ETV3L: variants seen among roughly 807,000 people sequenced by gnomAD.
The protein encoded by ETV3L is ETS translocation variant 3-like protein.
Under a neutral mutation model 27.6 loss-of-function variants are expected in ETV3L, and 30 were observed. That is an observed-to-expected ratio of 1.09 (90% CI 0.81 to 1.48). ETV3L has a LOEUF of 1.48. ETV3L is among the 40% of genes most tolerant of loss of function. The pLI is 0.00. For missense variants in ETV3L, 443 were observed against 455.6 expected (o/e 0.97, Z 0.25); for synonymous variants, 186 against 188.9 (o/e 0.98, Z 0.12).
At chr1:157,096,696 G>A (rs1272143071) in intron 4 of ETV3L, among the ~76,000 whole-genome samples, 2 of 152,198 alleles carry the variant, frequency 1.3e-5, no homozygotes, top group African/African-American at 2.4e-5. Flanking sequence ...CGAGGCAGGC[G>A]GATCACCTGA....
intron 4 of ETV3L, among the ~76,000 whole-genome samples, chr1:157,096,230 C>T (rs1207975407): frequency 6.6e-6 from 1 of 152,190 alleles, no homozygotes; most frequent in Admixed American, 6.5e-5. Flanking sequence ...AGGAAGTCTT[C>T]CCTGATGCCC....
intron 4 of ETV3L, among the ~76,000 whole-genome samples, chr1:157,093,858 T>C (rs1674170100): frequency 6.6e-6 from 1 of 152,178 alleles, no homozygotes. Flanking sequence ...CTGAGACTCC[T>C]AGCCTAGGCG....
At chr1:157,099,423 G>T (rs80223807) in intron 1 of ETV3L, 43 bp downstream of exon 1, 4 of 1,613,962 alleles carry the variant, frequency 2.5e-6, no homozygotes, top group Non-Finnish European at 3.4e-6. Flanking sequence ...CCCTGCCCTA[G>T]GCCACCGTTG....
rs527702797 is a variant in ETV3L, at chr1:157,097,820, C to T, written c.607+48G>A. 28 of 1,608,914 alleles carry T rather than the reference C, an allele frequency of 1.7e-5. No individual in the cohort carries two copies. In the African/African-American group the frequency reaches 2.4e-4, roughly 14 times the overall value. On this transcript the variant is annotated intron_variant, in intron 4 of 4. Coordinates refer to ENST00000454449, the MANE Select transcript of ETV3L (RefSeq NM_001004341.2). ...ATGTACTCAGCCAGGAGGGCCCTCC[C>T]TCCTCTGGCTAAGATCCCCCTGGGC... is the stretch of plus-strand genomic sequence containing the variant.
chr1:157,092,483 C>G lies in ETV3L; in HGVS notation c.*166G>C. The stretch of plus-strand genomic sequence containing the variant: ...TCTTGGTTTTTCCCATTTCCACATT[C>G]ACACCTTCCCTGCAATGCTCCCCAC... On this transcript the variant is annotated 3_prime_UTR_variant, in exon 5 of 5. Transcript: ENST00000454449. 1.6e-6 allele frequency: 1 copy of G among 616,148 alleles called. No individual in the cohort carries two copies. The highest frequency in any genetic ancestry group is 2.2e-5 in the South Asian group (1 of 44,814). The allele number at this position is 616,148 out of a possible 1,614,324, so 38.2% of individuals were successfully genotyped here.
rs768733480 is a variant in ETV3L, at chr1:157,092,822, G to A, written c.913C>T (p.Leu305Phe). Residue 305 changes from leucine (L) to phenylalanine (F), a missense_variant, in exon 5 of 5, where the codon CTC becomes TTC. Coordinates refer to ENST00000454449, the MANE Select transcript of ETV3L (RefSeq NM_001004341.2). ...TTTACTTCCAGCCCCTCGGGCCTGA[G>A]GGACAAGAGCCAAAGCCTCTCACCC... Reference protein sequence around the residue: ...GAGERLWLLSLRPEGLEVKPA... With the variant: ...GAGERLWLLSFRPEGLEVKPA... 1 of 1,614,154 alleles carries A rather than the reference G, an allele frequency of 6.2e-7. No individual in the cohort carries two copies. Among genetic ancestry groups the A allele is most frequent in the East Asian group, 2.2e-5 (1 of 44,868 alleles).
At chr1:157,095,844 CCTT>C (rs1674209171) in intron 4 of ETV3L, among the ~76,000 whole-genome samples, 1 of 152,178 alleles carries the variant, frequency 6.6e-6, no homozygotes, top group African/African-American at 2.4e-5. Context: ...GGCCATGGAT[CCTT>C]CTTCCATGAA....
At chr1:157,098,555 C>T (rs1390041837) in intron 3 of ETV3L, 151 bp downstream of exon 3, 1 of 721,632 alleles carries the variant, frequency 1.4e-6, no homozygotes, top group Non-Finnish European at 2.2e-6. Context: ...GTTAATACCC[C>T]TGCCTCTGGG....
At chr1:157,095,547 C>CTT (rs111798352) in intron 4 of ETV3L, among the ~76,000 whole-genome samples, 5,965 of 143,362 alleles carry the variant, frequency 0.042, 190 homozygotes, top group Middle Eastern at 0.063. Flanking sequence ...TTCTTTCTTT[C>CTT]TTTCTTTTTT....
intron 4 of ETV3L, among the ~76,000 whole-genome samples, 182 bp downstream of exon 4, chr1:157,097,686 G>A (rs1000108424): frequency 3.9e-5 from 6 of 152,242 alleles, no homozygotes; most frequent in Non-Finnish European, 8.8e-5. Context: ...AGCCTCTTGA[G>A]CCTTTCATCT....
In ETV3L at chr1:157,098,895, T is replaced by C. The variant is rs1674284867; in HGVS notation, c.297A>G (p.Arg99=). The change falls in exon 3 of 5, where the codon AGA becomes AGG. Residue 99 remains arginine (R), a splice_region_variant and synonymous_variant. Transcript: ENST00000454449. ...MNYDKLSRAL[R]YYYNKRILHK... The stretch of plus-strand genomic sequence containing the variant: ...GCAGGATCCTCTTATTGTAGTAATA[T>C]CTGGAGAATTCGAAGTTGAGAATAG... 6.2e-7 allele frequency: 1 copy of C among 1,607,694 alleles called. No homozygotes were observed.
In ETV3L at chr1:157,099,556, C is replaced by A. The variant is rs1239266445; in HGVS notation, c.-33G>T. The A allele has an allele frequency of 6.3e-7, 1 of 1,585,136 alleles. No homozygotes were observed. Among genetic ancestry groups the A allele is most frequent in the South Asian group, 1.1e-5 (1 of 87,354 alleles). Reference sequence around the variant, plus strand: ...TCCGGCGAGATGGGCTGTGTCTGGGCCTTGGGGAAATGGTCACCACTTAAG... The same window carrying A: ...TCCGGCGAGATGGGCTGTGTCTGGGACTTGGGGAAATGGTCACCACTTAAG... On this transcript the variant is annotated 5_prime_UTR_variant, in exon 1 of 5. Transcript: ENST00000454449.
chr1:157,094,688 G>A (rs760203155), intron 4 of ETV3L, among the ~76,000 whole-genome samples: 6 of 152,208 alleles, frequency 3.9e-5, no homozygotes, highest in South Asian at 2.1e-4. Context: ...CGAGGCGAGC[G>A]GATCACCTAA....
chr1:157,094,164 A>G (rs1674176401), intron 4 of ETV3L, among the ~76,000 whole-genome samples: 1 of 152,198 alleles, frequency 6.6e-6, no homozygotes, highest in Admixed American at 6.5e-5. Flanking sequence ...AGCCGGGCAA[A>G]GAACTGGTTG....
rs1322721055 is a variant in ETV3L, at chr1:157,099,397, G to T, written c.59-19C>A. The T allele has an allele frequency of 6.2e-7, 1 of 1,614,096 alleles. No homozygotes were observed. Among genetic ancestry groups the T allele is most frequent in the Admixed American group, 1.7e-5 (1 of 60,026 alleles). ...GCCAACCCTGGGTGGAGAGGGGAGA[G>T]TGAGGGCTCTGGAGGCCCTGCCCTA... On this transcript the variant is annotated intron_variant, in intron 1 of 4. Transcript: ENST00000454449.
chr1:157,097,100 C>T (rs759104635), intron 4 of ETV3L, among the ~76,000 whole-genome samples: 1 of 151,924 alleles, frequency 6.6e-6, no homozygotes, highest in Non-Finnish European at 1.5e-5. Context: ...CCCACCGCAT[C>T]GCAAGACTTG....
rs145414360 is a variant in ETV3L, at chr1:157,099,270, T to A, written c.167A>T (p.His56Leu). ...CTCTCCCTGCTGCCAGGCGATGACATGGCGGAACTCTTCCTTCTGCAGCAG... is the reference window on the plus strand; with the variant it reads ...CTCTCCCTGCTGCCAGGCGATGACAAGGCGGAACTCTTCCTTCTGCAGCAG... ...LELLQKEEFRHVIAWQQGEYG... is the reference protein window; with the variant it reads ...LELLQKEEFRLVIAWQQGEYG... The change falls in exon 2 of 5, where the codon CAT becomes CTT. Residue 56 changes from histidine (H) to leucine (L), a missense_variant. Physicochemically the swap from His to Leu is moderately conservative, Grantham distance 99. Coordinates refer to ENST00000454449, the MANE Select transcript of ETV3L (RefSeq NM_001004341.2). 428 of 1,614,066 alleles carry A rather than the reference T, an allele frequency of 2.7e-4. No individual in the cohort carries two copies. The highest frequency in any genetic ancestry group is 1.8e-3 in the Middle Eastern group (11 of 5,970).
Position 157,092,237 on chromosome 1 carries a change from G to T in ETV3L, c.*412C>A. On this transcript the variant is annotated 3_prime_UTR_variant, in exon 5 of 5. Transcript: ENST00000454449. ...AAGTTGCATGGAGGGGTGAGAAAGG[G>T]ACTGGAGACCTTAGCCTGGAATGGG... 6.1e-6 allele frequency: 1 copy of T among 163,704 alleles called. No homozygotes were observed. The highest frequency in any genetic ancestry group is 3.0e-3 in the Middle Eastern group (1 of 332). The allele number at this position is 163,704 out of a possible 1,614,324, so 10.1% of individuals were successfully genotyped here.
rs566341794 is a variant in ETV3L, at chr1:157,093,783, G to T, written c.608-656C>A. Among the ~76,000 whole-genome samples the T allele has an allele frequency of 2.6e-5, 4 of 152,026 alleles. No individual in the cohort carries two copies. The South Asian group carries it at 8.3e-4, about 32-fold the overall frequency. On this transcript the variant is annotated intron_variant, in intron 4 of 4. Coordinates refer to ENST00000454449, the MANE Select transcript of ETV3L (RefSeq NM_001004341.2). ...GCTGGGATTACAAGCATGAGCCACCGCGCACAGCTCCTTTTCTGCTTTTCT... is the reference window on the plus strand; with the variant it reads ...GCTGGGATTACAAGCATGAGCCACCTCGCACAGCTCCTTTTCTGCTTTTCT...
Sources: gnomAD v4.1 joint callset for allele counts (sites outside exome capture counted in the v4.1 genomes callset) on GRCh38, gnomAD v4.1.1 for gene constraint, MANE v1.5 for transcripts, NCBI Gene and HGNC (gene_info 2026-07-23, HGNC 2026-07-21) for gene names.